The following ANKRD11 variants were observed in gnomAD, a reference collection of about 807,000 sequenced individuals.
ANKRD11 encodes the protein ankyrin repeat domain-containing protein 11.
In ANKRD11, 17 loss-of-function variants were observed where a neutral mutation model predicts 195.7. The observed-to-expected ratio is 0.09, with a 90% CI of 0.06 to 0.13. The LOEUF (loss-of-function observed/expected upper bound fraction) is 0.13. ANKRD11 is among the 10% of genes least tolerant of loss of function. The probability of loss-of-function intolerance (pLI) is 1.00; values close to 1 mark genes in which losing one functional copy is unlikely to be tolerated. For missense variants in ANKRD11, 3,735 were observed against 3,566.1 expected (o/e 1.05, Z -1.21); for synonymous variants, 1,953 against 1,528.1 (o/e 1.28, Z -6.49).
At position 89,283,014 on chromosome 16, in the gene ANKRD11, C is replaced by T; in HGVS notation, c.3528G>A (p.Gln1176=). 6.2e-7 allele frequency: 1 copy of T among 1,613,836 alleles called. No individual in the cohort carries two copies. The highest frequency in any genetic ancestry group is 8.5e-7 in the Non-Finnish European group (1 of 1,180,030). The change falls in exon 9 of 13, where the codon CAG becomes CAA. Residue 1176 remains glutamine (Q), a synonymous_variant. Transcript: ENST00000301030. The surrounding 1 kb of genome is among the most constrained non-coding windows in gnomAD (Gnocchi z 4.3). The part of the protein sequence containing the change: ...KSSDKQHPER[Q]KDKEPRDRRK... ...TCCTGTCTCTGGGCTCCTTGTCCTT[C>T]TGCCTCTCAGGGTGCTGCTTGTCAG...
intron 2 of ANKRD11, among the ~76,000 whole-genome samples, chr16:89,387,435 G>A (rs2152118445): frequency 6.6e-6 from 1 of 152,114 alleles, no homozygotes; most frequent in South Asian, 2.1e-4. Context: ...CACTTTGGGA[G>A]GCTGAGGCGG....
At chr16:89,438,004 A>C (rs1455797689) in intron 1 of ANKRD11, among the ~76,000 whole-genome samples, 1 of 152,210 alleles carries the variant, frequency 6.6e-6, no homozygotes, top group Non-Finnish European at 1.5e-5. Context: ...ACACAAGTCC[A>C]TTGTATTTCT....
chr16:89,323,579 A>AGAGCCCAGGGCAGGGGGGCAG (rs2037497785), intron 2 of ANKRD11, among the ~76,000 whole-genome samples: 2 of 15,010 alleles, frequency 1.3e-4, no homozygotes, highest in East Asian at 2.9e-3. Flanking sequence ...CACGGGGGCT[A>AGAGCCCAGGGCAGGGGGGCAG]AGCCCAGGGC....
chr16:89,382,800 C>T (rs2040720006), intron 2 of ANKRD11, among the ~76,000 whole-genome samples: 1 of 152,134 alleles, frequency 6.6e-6, no homozygotes, highest in Admixed American at 6.5e-5. Context: ...GTTTAACCAC[C>T]ACCTTGACAT....
intron 1 of ANKRD11, among the ~76,000 whole-genome samples, chr16:89,423,478 T>G (rs1597360155): frequency 6.6e-6 from 1 of 152,248 alleles, no homozygotes; most frequent in African/African-American, 2.4e-5. Context: ...AAGAGACTAG[T>G]GCGGAGCTGT....
intron 3 of ANKRD11, among the ~76,000 whole-genome samples, chr16:89,308,973 C>A (rs1411341119): frequency 6.6e-6 from 1 of 152,218 alleles, no homozygotes; most frequent in Non-Finnish European, 1.5e-5. Flanking sequence ...CATCTGTACC[C>A]CAAAGATCAG....
chr16:89,452,927 G>A (rs969018140), intron 1 of ANKRD11, among the ~76,000 whole-genome samples: 1 of 151,834 alleles, frequency 6.6e-6, no homozygotes, highest in African/African-American at 2.4e-5. Flanking sequence ...AATCACACAT[G>A]CGTGGATAAA....
chr16:89,309,229 G>A (rs902404272), intron 3 of ANKRD11, among the ~76,000 whole-genome samples: 33 of 152,178 alleles, frequency 2.2e-4, no homozygotes, highest in African/African-American at 7.5e-4. Flanking sequence ...CAAATGCTGG[G>A]CATGGCCACA....
chr16:89,321,905 G>A (rs116028057), intron 2 of ANKRD11, among the ~76,000 whole-genome samples: 1,598 of 152,248 alleles, frequency 0.01, 27 homozygotes, highest in African/African-American at 0.036. Flanking sequence ...GTGAAAACCC[G>A]GAGGACGAAA....
At chr16:89,269,461 A>G (rs1271511421) in intron 12 of ANKRD11, among the ~76,000 whole-genome samples, 2 of 152,150 alleles carry the variant, frequency 1.3e-5, no homozygotes, top group Admixed American at 1.3e-4. Context: ...TGGGCCTCAT[A>G]GCTTTTACTC....
intron 2 of ANKRD11, among the ~76,000 whole-genome samples, chr16:89,344,300 A>G (rs1049495398): frequency 3.3e-5 from 5 of 152,172 alleles, no homozygotes; most frequent in Non-Finnish European, 7.4e-5. Context: ...CAGCTAACAG[A>G]TGGTATTATT....
rs751266006 is a variant in ANKRD11 at position 89,280,643 on chromosome 16, A to G, written c.5899T>C (p.Ser1967Pro). ...ACAGGCCAGCTCACAGGGTTTTCAG[A>G]GGTGCCCCCGATCAGGCTAGAGGCA... ...ALASSLIGGT[S>P]ENPVSWPVGS... The change falls in exon 9 of 13, where the codon TCT becomes CCT. Residue 1967 changes from serine (S) to proline (P), a missense_variant. By Grantham distance (74) the Ser-to-Pro change is moderately conservative (BLOSUM62 -1). Coordinates refer to ENST00000301030, the MANE Select transcript of ANKRD11 (RefSeq NM_013275.6). 1 of 1,613,444 alleles carries G rather than the reference A, an allele frequency of 6.2e-7. No homozygotes were observed. Among genetic ancestry groups the G allele is most frequent in the Non-Finnish European group, 8.5e-7 (1 of 1,179,950 alleles).
chr16:89,333,887 C>T (rs750280528), intron 2 of ANKRD11, among the ~76,000 whole-genome samples: 12 of 152,112 alleles, frequency 7.9e-5, no homozygotes, highest in Admixed American at 6.5e-4. Context: ...AGTATGTGGG[C>T]GTGTGTTGTG....
intron 2 of ANKRD11, among the ~76,000 whole-genome samples, chr16:89,358,588 A>G (rs951940720): frequency 2.0e-5 from 3 of 152,220 alleles, no homozygotes; most frequent in African/African-American, 7.2e-5. Flanking sequence ...TCATCTATGT[A>G]CTCACAAAAA....
Position 89,281,412 on chromosome 16 carries a change from T to C in ANKRD11, c.5130A>G (p.Leu1710=). 2 of 1,611,120 alleles carry C rather than the reference T, an allele frequency of 1.2e-6. No homozygotes were observed. Among genetic ancestry groups the C allele is most frequent in the South Asian group, 1.1e-5 (1 of 90,956 alleles). Residue 1710 remains leucine (L), a synonymous_variant, in exon 9 of 13, where the codon CTA becomes CTG. Transcript: ENST00000301030. This position sits in a 1 kb window ranked among gnomAD's most constrained non-coding sequence, Gnocchi z 5.5. The part of the protein sequence containing the change: ...PTGVPTPTSV[L]SCPSYEEVMH... ...TCACCTCCTCGTAGCTGGGGCAGGA[T>C]AGCACCGACGTAGGGGTGGGCACGC...
intron 1 of ANKRD11, among the ~76,000 whole-genome samples, chr16:89,472,907 G>A (rs565887930): frequency 1.3e-5 from 2 of 152,272 alleles, no homozygotes; most frequent in South Asian, 4.1e-4. Context: ...GGCTCACTGG[G>A]GGCCAGACAT....
intron 2 of ANKRD11, among the ~76,000 whole-genome samples, chr16:89,376,229 C>T (rs1253281064): frequency 6.6e-6 from 1 of 152,026 alleles, no homozygotes; most frequent in African/African-American, 2.4e-5. Flanking sequence ...AAAAGTGAAG[C>T]CATTATACAA....
At chr16:89,379,255 T>G (rs2040546619) in intron 2 of ANKRD11, among the ~76,000 whole-genome samples, 2 of 152,214 alleles carry the variant, frequency 1.3e-5, no homozygotes, top group Admixed American at 6.5e-5. Context: ...GCTTTTTTAA[T>G]CCTATCTTGA....
At chr16:89,271,719 G>T (rs1384050552) in intron 11 of ANKRD11, 1 of 152,286 alleles carries the variant, frequency 6.6e-6, no homozygotes, top group Non-Finnish European at 1.5e-5. Flanking sequence ...CGAGACCCTA[G>T]CTCTCGCCAC....
Sources: allele counts gnomAD v4.1 joint callset (sites outside exome capture counted in the v4.1 genomes callset), GRCh38; gene constraint gnomAD v4.1.1; non-coding constraint Gnocchi (gnomAD v3.1); transcripts MANE v1.5; gene names NCBI Gene and HGNC (gene_info 2026-07-23, HGNC 2026-07-21).